Variants in ZNF462 observed in about 807,000 individuals in gnomAD.
ZNF462 encodes zinc finger PBX1-interacting protein.
In ZNF462, 10 loss-of-function variants were observed where a neutral mutation model predicts 201.9. The ratio of observed to expected loss-of-function variants is 0.05; its 90% CI spans 0.03 to 0.08. ZNF462 has a LOEUF of 0.08. Ranked by LOEUF, ZNF462 falls within the 10% of genes least tolerant of loss-of-function variation. The pLI, the probability that ZNF462 is intolerant of heterozygous loss-of-function variation, is 1.00. For missense variants in ZNF462, 2,523 were observed against 3,168.3 expected (o/e 0.80, Z 4.89); for synonymous variants, 1,227 against 1,193.3 (o/e 1.03, Z -0.58).
chr9:106,863,220 C>T lies in ZNF462; in HGVS notation c.-166C>T. On this transcript the variant is annotated 5_prime_UTR_variant, in exon 1 of 13. Coordinates refer to ENST00000277225, the MANE Select transcript of ZNF462 (RefSeq NM_021224.6). Reference sequence around the variant, plus strand: ...GATGGCGATCCTCCATTGCTGAGACCCGGCAGAAGCACATGAGACTCCCAA... The same window carrying T: ...GATGGCGATCCTCCATTGCTGAGACTCGGCAGAAGCACATGAGACTCCCAA... 1 of 399,134 alleles carries T rather than the reference C, an allele frequency of 2.5e-6. No individual in the cohort carries two copies. The allele number at this position is 399,134 out of a possible 1,614,324, so 24.7% of individuals were successfully genotyped here. A position where few individuals can be genotyped will look rare whatever the true frequency, so the allele number is the denominator to read the frequency against.
At position 107,010,841 on chromosome 9, in the gene ZNF462, G is replaced by C; in HGVS notation, c.7332G>C (p.Lys2444Asn). The change falls in exon 13 of 13, where the codon AAG (lysine) becomes AAC (asparagine). Residue 2444 changes from lysine to asparagine, a missense_variant. Lys to Asn is a moderately conservative substitution (Grantham distance 94). Around this residue, in one of 15 missense-constraint regions of ZNF462, gnomAD observed 228 missense variants for 361.2 expected, o/e 0.63. Transcript: ENST00000277225. This position sits in a 1 kb window ranked among gnomAD's most constrained non-coding sequence, Gnocchi z 4.6. The part of the protein sequence containing the change: ...LRHGMALNDT[K>N]QVSREEIHPK... ...TTTCCAGGGCATTGAATGACACCAA[G>C]CAGGTGAGCAGAGAAGAAATCCACC... The C allele has an allele frequency of 6.2e-7, 1 of 1,612,882 alleles. No homozygotes were observed. Among genetic ancestry groups the C allele is most frequent in the Non-Finnish European group, 8.5e-7 (1 of 1,179,430 alleles).
At chr9:106,979,878 A>G (rs896617636) in intron 9 of ZNF462, among the ~76,000 whole-genome samples, 2 of 152,150 alleles carry the variant, frequency 1.3e-5, no homozygotes, top group Non-Finnish European at 1.5e-5. Flanking sequence ...AATCACTGCT[A>G]TGGGTCTTTA....
At chr9:106,989,337 C>A (rs1352496914) in intron 10 of ZNF462, among the ~76,000 whole-genome samples, 1 of 152,092 alleles carries the variant, frequency 6.6e-6, no homozygotes, top group East Asian at 1.9e-4. Flanking sequence ...TGGTGTATCA[C>A]ATTTATTGAC....
Position 106,974,418 on chromosome 9 carries a change from C to A in ZNF462, c.6832+145C>A. ...AGGCAAGAAACCACAGTGATAACCA[C>A]AGTGACAGCCAAAAGGGCAAAAACA... On this transcript the variant is annotated intron_variant, in intron 9 of 12. Coordinates refer to ENST00000277225, the MANE Select transcript of ZNF462 (RefSeq NM_021224.6). This position sits in a 1 kb window ranked among gnomAD's most constrained non-coding sequence, Gnocchi z 4.0. 2 of 1,295,710 alleles carry A rather than the reference C, an allele frequency of 1.5e-6. No homozygotes were observed. Among genetic ancestry groups the A allele is most frequent in the Non-Finnish European group, 2.2e-6 (2 of 896,754 alleles). The allele number at this position is 1,295,710 out of a possible 1,614,324, so 80.3% of individuals were successfully genotyped here. A position where few individuals can be genotyped will look rare whatever the true frequency, so the allele number is the denominator to read the frequency against.
intron 1 of ZNF462, among the ~76,000 whole-genome samples, chr9:106,896,381 C>T (rs1407614978): frequency 2.0e-5 from 3 of 152,174 alleles, no homozygotes; most frequent in African/African-American, 7.2e-5. Context: ...CAATGATTCC[C>T]TCTTCACCAG....
chr9:106,864,335 G>A (rs1462887245), intron 1 of ZNF462, among the ~76,000 whole-genome samples: 1 of 151,896 alleles, frequency 6.6e-6, no homozygotes, highest in Non-Finnish European at 1.5e-5. Flanking sequence ...CATTACACAC[G>A]CTTGGCTCTC....
At chr9:106,900,990 T>C (rs1829041256) in intron 1 of ZNF462, among the ~76,000 whole-genome samples, 1 of 152,172 alleles carries the variant, frequency 6.6e-6, no homozygotes, top group South Asian at 2.1e-4. Flanking sequence ...ATTTTTCCAA[T>C]GTTATCTTCT....
chr9:106,921,738 T>C (rs2097250170), intron 1 of ZNF462, among the ~76,000 whole-genome samples: 2 of 152,194 alleles, frequency 1.3e-5, no homozygotes, highest in South Asian at 2.1e-4. Context: ...TCAGGTCTAA[T>C]GGACTGTGCG....
chr9:106,900,233 TGTGTG>T (rs1829004691), intron 1 of ZNF462, among the ~76,000 whole-genome samples: 1 of 151,614 alleles, frequency 6.6e-6, no homozygotes, highest in East Asian at 1.9e-4. Context: ...TGTGTGTGTG[TGTGTG>T]TGTGTGTGTG....
intron 10 of ZNF462, among the ~76,000 whole-genome samples, chr9:106,994,612 T>C (rs180751014): frequency 1.3e-5 from 2 of 152,292 alleles, no homozygotes; most frequent in East Asian, 3.9e-4. Flanking sequence ...CCATTTCGTT[T>C]CTGCTTTCCC....
chr9:106,908,939 ATATTTTTTTTTTTTTTTTTTT>A (rs1829419557), intron 1 of ZNF462, among the ~76,000 whole-genome samples: 2 of 29,956 alleles, frequency 6.7e-5, no homozygotes, highest in African/African-American at 2.0e-4. Flanking sequence ...ATATATATAT[ATATTTTTTTTTTTTTTTTTTT>A]TTTTTTTTTT....
At chr9:106,960,594 A>G (rs1320064240) in intron 7 of ZNF462, among the ~76,000 whole-genome samples, 3 of 152,134 alleles carry the variant, frequency 2.0e-5, no homozygotes, top group Admixed American at 1.3e-4. Context: ...TGAATTATGC[A>G]TTCGGTATTG....
At position 107,009,502 on chromosome 9, in the gene ZNF462, A is replaced by G. The variant is rs1412037350; in HGVS notation, c.7190-43A>G. 7 of 1,611,786 alleles carry G rather than the reference A, an allele frequency of 4.3e-6. 1 individual carries two copies. The South Asian group carries it at 7.7e-5, about 18-fold the overall frequency. ...GAATGCTGACTTACCTATTCTGCTGATTCCCACAGCACACAGGTAACACTT... is the reference window on the plus strand; with the variant it reads ...GAATGCTGACTTACCTATTCTGCTGGTTCCCACAGCACACAGGTAACACTT... On this transcript the variant is annotated intron_variant, in intron 11 of 12. Coordinates refer to ENST00000277225, the MANE Select transcript of ZNF462 (RefSeq NM_021224.6). This position sits in a 1 kb window ranked among gnomAD's most constrained non-coding sequence, Gnocchi z 6.1.
intron 1 of ZNF462, among the ~76,000 whole-genome samples, chr9:106,898,883 AAGG>A (rs1300729878): frequency 2.6e-4 from 40 of 152,294 alleles, no homozygotes; most frequent in African/African-American, 8.9e-4. Flanking sequence ...TAGAAGACTG[AAGG>A]AGAAGTAAGG....
intron 10 of ZNF462, among the ~76,000 whole-genome samples, chr9:106,986,139 A>T (rs1341539617): frequency 6.6e-6 from 1 of 152,170 alleles, no homozygotes; most frequent in Non-Finnish European, 1.5e-5. Flanking sequence ...ATTCTTCTCT[A>T]GTTGTTGCAC....
Position 106,933,698 on chromosome 9 carries a change from A to G in ZNF462, c.6116+1149A>G, listed in dbSNP as rs564815615. Reference sequence around the variant, plus strand: ...AATAAAGCACGTCTTTGAAAATATCAGTAAAATACTATGATGTGTCAAAGA... The same window carrying G: ...AATAAAGCACGTCTTTGAAAATATCGGTAAAATACTATGATGTGTCAAAGA... On this transcript the variant is annotated intron_variant, in intron 5 of 12. Coordinates refer to ENST00000277225, the MANE Select transcript of ZNF462 (RefSeq NM_021224.6). This position sits in a 1 kb window ranked among gnomAD's most constrained non-coding sequence, Gnocchi z 4.3. Among the ~76,000 whole-genome samples, 1 of 152,362 alleles carries G rather than the reference A, an allele frequency of 6.6e-6. No individual in the cohort carries two copies. The highest frequency in any genetic ancestry group is 1.9e-4 in the East Asian group (1 of 5,190).
In ZNF462 at chr9:106,962,344, TTGAC is replaced by T. The variant is rs1416018519; in HGVS notation, c.6428-9658_6428-9655del. On this transcript the variant is annotated intron_variant, in intron 7 of 12. Transcript: ENST00000277225. This position sits in a 1 kb window ranked among gnomAD's most constrained non-coding sequence, Gnocchi z 4.6. ...GAATCAAGGATTTATTCTGATTTCA[TTGAC>T]TGGGTGAATGAATGGTGATGTCATT... Among the ~76,000 whole-genome samples, 1 of 152,026 alleles carries T rather than the reference TTGAC, an allele frequency of 6.6e-6. No individual in the cohort carries two copies. Among genetic ancestry groups the T allele is most frequent in the Non-Finnish European group, 1.5e-5 (1 of 67,970 alleles).
At chr9:106,959,789 G>C (rs1302600065) in intron 7 of ZNF462, among the ~76,000 whole-genome samples, 1 of 152,086 alleles carries the variant, frequency 6.6e-6, no homozygotes, top group African/African-American at 2.4e-5. Flanking sequence ...AGCTGGCTAA[G>C]ACAGTGAAAG....
chr9:106,898,521 G>T (rs1318333320), intron 1 of ZNF462, among the ~76,000 whole-genome samples: 1 of 152,110 alleles, frequency 6.6e-6, no homozygotes, highest in Non-Finnish European at 1.5e-5. Context: ...GCATCTAGTG[G>T]GGATGTCAGG....
Sources: gnomAD v4.1 joint callset for allele counts (sites outside exome capture counted in the v4.1 genomes callset) on GRCh38, gnomAD v4.1.1 for gene constraint, gnomAD v4.1.1 regional missense constraint, Gnocchi (gnomAD v3.1) non-coding constraint, MANE v1.5 for transcripts, NCBI Gene and HGNC (gene_info 2026-07-23, HGNC 2026-07-21) for gene names.